Variants in MMEL1 observed in about 807,000 individuals in gnomAD.
The protein encoded by MMEL1 is membrane metalloendopeptidase like 1.
MMEL1 carries 98 observed loss-of-function variants against 117.1 expected under a neutral mutation model. The ratio of observed to expected loss-of-function variants is 0.84; its 90% confidence interval spans 0.71 to 0.99. The LOEUF (loss-of-function observed/expected upper bound fraction) is 0.99, where lower values mean the gene tolerates loss of function less well. MMEL1 is among the 50% of genes least tolerant of loss of function. The pLI is 0.00. For missense variants in MMEL1, 1,014 were observed against 1,049.1 expected, an observed-to-expected ratio of 0.97 and a Z score of 0.46; for synonymous variants, 390 against 415.1, an observed-to-expected ratio of 0.94 and a Z score of 0.74.
intron 9 of MMEL1, 48 bp downstream of exon 9, chr1:2,605,509 TA>T: frequency 2.0e-6 from 3 of 1,534,360 alleles, no homozygotes; most frequent in Non-Finnish European, 1.8e-6. Flanking sequence ...GACCACGGGG[TA>T]GGGGGTGATG....
In MMEL1 at chr1:2,595,178, G is replaced by T; in HGVS notation, c.1584+98C>A. Reference sequence around the variant, plus strand: ...GTGAGGACAGCTGTGTTAGCGCCTGGGAGGAGGGCACAGAGCTTGGCACAG... The same window carrying T: ...GTGAGGACAGCTGTGTTAGCGCCTGTGAGGAGGGCACAGAGCTTGGCACAG... On this transcript the variant is annotated intron_variant, in intron 16 of 23. Transcript: ENST00000378412. This position sits in a 1 kb window ranked among gnomAD's most constrained non-coding sequence, Gnocchi z 4.8. 3.6e-6 allele frequency: 4 copies of T among 1,110,166 alleles called. No individual in the cohort carries two copies. The highest frequency in any genetic ancestry group is 5.3e-6 in the Non-Finnish European group (4 of 753,356). The allele number at this position is 1,110,166 out of a possible 1,614,324, so 68.8% of individuals were successfully genotyped here.
Position 2,598,773 on chromosome 1 carries a change from C to A in MMEL1, c.1059G>T (p.Leu353=). The A allele has an allele frequency of 6.2e-7, 1 of 1,613,790 alleles. No individual in the cohort carries two copies. The highest frequency in any genetic ancestry group is 8.5e-7 in the Non-Finnish European group (1 of 1,179,858). ...QFGLKGFNWT[L]FIQTVLSSVK... ...CAGAGGATAGCACAGTTTGTATGAA[C>A]AGAGTCCAGTTAAATCCCTGCAGAT... Residue 353 remains leucine, a synonymous_variant, in exon 12 of 24, where the codon CTG becomes CTT. Transcript: ENST00000378412.
rs1026901627 is a variant in MMEL1, at chr1:2,595,704, C to A, written c.1500+305G>T. ...TTCTGGTGGGTCTGACCCTTGCTCC[C>A]GAGGCCACCGCTACCCCCGCTGGCT... is the stretch of plus-strand genomic sequence containing the variant. On this transcript the variant is annotated intron_variant, in intron 15 of 23. Coordinates refer to ENST00000378412, the MANE Select transcript of MMEL1 (RefSeq NM_033467.4). This position sits in a 1 kb window ranked among gnomAD's most constrained non-coding sequence, Gnocchi z 4.8. 2.0e-5 allele frequency among the ~76,000 whole-genome samples: 3 copies of A among 152,048 alleles called. No individual in the cohort carries two copies. The highest frequency in any genetic ancestry group is 4.4e-5 in the Non-Finnish European group (3 of 68,000).
At chr1:2,607,468 G>T (rs897579305) in intron 6 of MMEL1, among the ~76,000 whole-genome samples, 1 of 151,962 alleles carries the variant, frequency 6.6e-6, no homozygotes, top group Admixed American at 6.5e-5. Context: ...GGCAGCGGTG[G>T]GTGGGCTGGG....
chr1:2,624,717 A>G (rs1378894741), intron 2 of MMEL1, among the ~76,000 whole-genome samples: 4 of 152,228 alleles, frequency 2.6e-5, no homozygotes, highest in African/African-American at 9.6e-5. Flanking sequence ...GGCCCAGTGC[A>G]AATGCTATTG....
chr1:2,600,929 A>G (rs1345554404), intron 11 of MMEL1, among the ~76,000 whole-genome samples: 2 of 152,210 alleles, frequency 1.3e-5, no homozygotes, highest in Non-Finnish European at 2.9e-5. Flanking sequence ...TGACACTGAA[A>G]GCTTTAAAAG....
intron 9 of MMEL1, among the ~76,000 whole-genome samples, 195 bp downstream of exon 9, chr1:2,605,363 G>A (rs985602292): frequency 7.2e-5 from 11 of 152,132 alleles, no homozygotes; most frequent in Admixed American, 2.0e-4. Flanking sequence ...CGGGTGTTGA[G>A]GGAACGTCCC....
chr1:2,603,346 G>C (rs905889722), intron 11 of MMEL1, among the ~76,000 whole-genome samples: 3 of 152,186 alleles, frequency 2.0e-5, no homozygotes, highest in African/African-American at 7.2e-5. Context: ...GGTGAGAGTC[G>C]GCTGAGGGAG....
At chr1:2,619,786 A>G (rs960266196) in intron 2 of MMEL1, among the ~76,000 whole-genome samples, 2 of 152,238 alleles carry the variant, frequency 1.3e-5, no homozygotes, top group Non-Finnish European at 2.9e-5. Context: ...AAACAACTAC[A>G]AACCCAAAAG....
chr1:2,628,828 C>G (rs1557562859), intron 2 of MMEL1, among the ~76,000 whole-genome samples: 1 of 152,154 alleles, frequency 6.6e-6, no homozygotes, highest in Non-Finnish European at 1.5e-5. Flanking sequence ...TGACCTGACC[C>G]GGCCTTGAGC....
chr1:2,609,878 GT>G, intron 4 of MMEL1, 47 bp from the exon 5 acceptor site: 1 of 1,564,676 alleles, frequency 6.4e-7, no homozygotes, highest in Middle Eastern at 1.7e-4. Flanking sequence ...GACAGAGAGA[GT>G]TGTGGACAGC....
Position 2,591,937 on chromosome 1 carries a change from C to T in MMEL1, c.2158G>A (p.Ala720Thr). The T allele has an allele frequency of 6.2e-7, 1 of 1,613,242 alleles. No individual in the cohort carries two copies. The highest frequency in any genetic ancestry group is 8.5e-7 in the Non-Finnish European group (1 of 1,179,708). Residue 720 changes from alanine to threonine, a missense_variant, in exon 22 of 24, where the codon GCC becomes ACC. Ala to Thr is a moderately conservative substitution (Grantham distance 58). Coordinates refer to ENST00000378412, the MANE Select transcript of MMEL1 (RefSeq NM_033467.4). ...THEQLFFINY[A>T]QVWCGSYRPE... ...ACCAGGACTGCGGCTGCCACCTGGG[C>T]ATAGTTGATGAAGAAGAGCTGCTCA...
intron 9 of MMEL1, among the ~76,000 whole-genome samples, chr1:2,605,354 G>C (rs1315541347): frequency 1.3e-5 from 2 of 152,134 alleles, no homozygotes; most frequent in East Asian, 1.9e-4. Flanking sequence ...GGCCTGGCCC[G>C]GGTGTTGAGG....
chr1:2,608,514 CAT>C (rs563661149), intron 6 of MMEL1, among the ~76,000 whole-genome samples: 40 of 144,586 alleles, frequency 2.8e-4, no homozygotes, highest in African/African-American at 9.8e-4. Context: ...ACACATAACA[CAT>C]ATACACACAT....
intron 6 of MMEL1, among the ~76,000 whole-genome samples, chr1:2,607,771 G>T (rs1479986863): frequency 6.6e-6 from 1 of 152,066 alleles, no homozygotes; most frequent in Admixed American, 6.5e-5. Context: ...CTGCTGGCCT[G>T]GGGAGGCTGT....
At chr1:2,603,791 T>C in intron 11 of MMEL1, 93 bp downstream of exon 11, 1 of 1,129,992 alleles carries the variant, frequency 8.8e-7, no homozygotes, top group Admixed American at 2.0e-5. Context: ...TGAGCTTAAA[T>C]GCCAGGCAAC....
chr1:2,591,099 G>T lies in MMEL1; in HGVS notation c.2241-10C>A. The T allele has an allele frequency of 6.4e-7, 1 of 1,555,616 alleles. No homozygotes were observed. The highest frequency in any genetic ancestry group is 8.7e-7 in the Non-Finnish European group (1 of 1,151,540). ...CAGCGACCCCAGTACCCTGTGGGTG[G>T]GTGGGTGTGACAGCAGGAGCATTGC... On this transcript the variant is annotated splice_polypyrimidine_tract_variant and intron_variant, in intron 23 of 23. Transcript: ENST00000378412.
intron 14 of MMEL1, 78 bp from the exon 15 acceptor site, chr1:2,596,185 C>T: frequency 7.5e-7 from 1 of 1,341,012 alleles, no homozygotes; most frequent in Non-Finnish European, 1.0e-6. Context: ...TTGGGGAGGT[C>T]TGGTCTGAGC....
At chr1:2,630,491 T>C (rs1638495292) in intron 1 of MMEL1, among the ~76,000 whole-genome samples, 1 of 151,770 alleles carries the variant, frequency 6.6e-6, no homozygotes, top group African/African-American at 2.4e-5. Flanking sequence ...TGTGCACGTG[T>C]GTGCGTGTGC....
Sources: allele counts gnomAD v4.1 joint callset (sites outside exome capture counted in the v4.1 genomes callset), GRCh38; gene constraint gnomAD v4.1.1; non-coding constraint Gnocchi (gnomAD v3.1); transcripts MANE v1.5; gene names NCBI Gene and HGNC (gene_info 2026-07-23, HGNC 2026-07-21).